MYOM2: variants seen among roughly 807,000 people sequenced by gnomAD.
MYOM2 encodes the protein myomesin 2, also known as myomesin-2.
A neutral mutation model predicts 187.6 loss-of-function variants in MYOM2; 254 were observed. That is an observed-to-expected ratio of 1.35 (90% CI 1.22 to 1.50). MYOM2 has a LOEUF of 1.50. MYOM2 is among the 40% of genes most tolerant of loss of function. The probability of loss-of-function intolerance (pLI) is 0.00; values close to 1 mark genes in which losing one functional copy is unlikely to be tolerated. For synonymous variants in MYOM2, 981 were observed against 753.8 expected (o/e 1.30, Z -4.94); for missense variants, 2,796 against 1,924.0 (o/e 1.45, Z -8.48).
intron 18 of MYOM2, 66 bp from the exon 19 acceptor site, chr8:2,098,791 C>G (rs994444615): frequency 2.0e-6 from 3 of 1,489,306 alleles, no homozygotes; most frequent in Non-Finnish European, 2.7e-6. Flanking sequence ...TATAACAACT[C>G]CTCCCCCTCA....
rs538357977 is a variant in MYOM2 at position 2,112,424 on chromosome 8, A to G, written c.3180+2893A>G. ...GGGGTGGGGGTCAGGGATGGGAGGG[A>G]GAGAATGAGACATTCCAAGCCGCTC... On this transcript the variant is annotated intron_variant, in intron 25 of 36. Coordinates refer to ENST00000262113, the MANE Select transcript of MYOM2 (RefSeq NM_003970.4). Among the ~76,000 whole-genome samples, 230 of 151,618 alleles carry G rather than the reference A, an allele frequency of 1.5e-3. 1 individual carries two copies. Among genetic ancestry groups the G allele is most frequent in the African/African-American group, 5.3e-3 (219 of 41,280 alleles).
Position 2,072,384 on chromosome 8 carries a change from T to A in MYOM2, c.833T>A (p.Val278Asp), listed in dbSNP as rs201957693. The A allele has an allele frequency of 6.2e-7, 1 of 1,613,880 alleles. No individual in the cohort carries two copies. Among genetic ancestry groups the A allele is most frequent in the African/African-American group, 1.3e-5 (1 of 75,012 alleles). Reference protein sequence around the residue: ...SSMIPYTHFDVQFLEKFGVTF... With the variant: ...SSMIPYTHFDDQFLEKFGVTF... ...ATGATTCCGTACACGCACTTCGACG[T>A]CCAGTTTTTGGAGAAGTTTGGGGTC... Residue 278 changes from valine (V) to aspartate (D), a missense_variant, in exon 9 of 37, where the codon GTC becomes GAC. Physicochemically the swap from Val to Asp is radical, Grantham distance 152. Transcript: ENST00000262113.
chr8:2,050,739 G>T lies in MYOM2; in HGVS notation c.-12-16G>T. ...CTTGCGAGGGAGCTCAGTGTTGTGT[G>T]TGACTCTCTTTGTAGGAGCACGCCA... On this transcript the variant is annotated splice_polypyrimidine_tract_variant and intron_variant, in intron 1 of 36. Transcript: ENST00000262113. 1 of 1,505,684 alleles carries T rather than the reference G, an allele frequency of 6.6e-7. No homozygotes were observed. Among genetic ancestry groups the T allele is most frequent in the South Asian group, 1.1e-5 (1 of 88,526 alleles). The allele number at this position is 1,505,684 out of a possible 1,614,324, so 93.3% of individuals were successfully genotyped here.
rs750536531 is a variant in MYOM2 at position 2,101,068 on chromosome 8, G to A, written c.2619+14G>A. ...CGTTATTTAAAGGTAAGTCTTGGCC[G>A]GCTGTGGTGGCTCATGCCTGTAATC... On this transcript the variant is annotated intron_variant, in intron 20 of 36. Transcript: ENST00000262113. The A allele has an allele frequency of 1.1e-5, 18 of 1,612,510 alleles. No homozygotes were observed. The highest frequency in any genetic ancestry group is 1.6e-4 in the Middle Eastern group (1 of 6,080).
chr8:2,084,836 C>T (rs938210016), intron 13 of MYOM2, among the ~76,000 whole-genome samples: 9 of 152,130 alleles, frequency 5.9e-5, no homozygotes, highest in African/African-American at 1.2e-4. Context: ...AAGAAAGAAC[C>T]CAGAGGGGAT....
chr8:2,102,637 C>A, intron 20 of MYOM2, 30 bp from the exon 21 acceptor site: 1 of 1,477,222 alleles, frequency 6.8e-7, no homozygotes, highest in Non-Finnish European at 9.4e-7. Context: ...TTTACCTCCA[C>A]ACATCTGGTG....
chr8:2,092,615 C>T, intron 16 of MYOM2, 95 bp downstream of exon 16: 3 of 1,339,442 alleles, frequency 2.2e-6, no homozygotes, highest in Non-Finnish European at 3.1e-6. Context: ...ACCATGGCCG[C>T]AAGGCTTCTG....
At chr8:2,114,260 A>C (rs556319121) in intron 25 of MYOM2, among the ~76,000 whole-genome samples, 2 of 152,324 alleles carry the variant, frequency 1.3e-5, no homozygotes, top group African/African-American at 4.8e-5. Context: ...AGCAGCAGAG[A>C]GGCAGGTAGT....
chr8:2,060,080 G>C (rs34526111), intron 6 of MYOM2, among the ~76,000 whole-genome samples: 39,164 of 152,102 alleles, frequency 0.26, 5,860 homozygotes, highest in Non-Finnish European at 0.33. Flanking sequence ...AGACACTGCT[G>C]TTCTTTTTCT....
In MYOM2 at chr8:2,129,172, T is replaced by G; in HGVS notation, c.3740T>G (p.Ile1247Arg). 1.2e-6 allele frequency: 2 copies of G among 1,612,294 alleles called. No homozygotes were observed. Among genetic ancestry groups the G allele is most frequent in the Non-Finnish European group, 1.7e-6 (2 of 1,178,390 alleles). ...AAGGTACTCTGCACCCCAGAAGGAA[T>G]ACGACTTCAGTGTTTCATGAAGTAT... ...PLKVLCTPEG[I>R]RLQCFMKYFT... Residue 1247 changes from isoleucine to arginine, a missense_variant, in exon 32 of 37, where the codon ATA (isoleucine) becomes AGA (arginine). Transcript: ENST00000262113.
intron 15 of MYOM2, among the ~76,000 whole-genome samples, chr8:2,091,686 C>A (rs181771498): frequency 6.6e-6 from 1 of 152,230 alleles, no homozygotes; most frequent in East Asian, 1.9e-4. Context: ...GCTCTTAGAA[C>A]TCATACCCAG....
intron 6 of MYOM2, among the ~76,000 whole-genome samples, chr8:2,061,898 C>T (rs566862256): frequency 2.6e-5 from 4 of 152,282 alleles, no homozygotes; most frequent in South Asian, 2.1e-4. Context: ...ACAAGGATGC[C>T]GCCTTCCAGG....
chr8:2,066,718 T>C (rs1394626211), intron 6 of MYOM2, among the ~76,000 whole-genome samples: 1 of 152,208 alleles, frequency 6.6e-6, no homozygotes, highest in Non-Finnish European at 1.5e-5. Flanking sequence ...GTGAGTATTA[T>C]GTGTGAATTA....
intron 1 of MYOM2, among the ~76,000 whole-genome samples, chr8:2,048,444 G>T (rs12682058): frequency 0.035 from 5,283 of 152,352 alleles, 203 homozygotes; most frequent in East Asian, 0.12. Context: ...TGCATCTGGG[G>T]AGATTTCAAA....
chr8:2,102,510 C>A (rs183638184), intron 20 of MYOM2, among the ~76,000 whole-genome samples, 157 bp from the exon 21 acceptor site: 45 of 142,710 alleles, frequency 3.2e-4, no homozygotes, highest in African/African-American at 1.1e-3. Flanking sequence ...CACTGTGAAT[C>A]TCCTCTTCCC....
In MYOM2 at chr8:2,051,364, G is replaced by A. The variant is rs551687107; in HGVS notation, c.107+491G>A. Among the ~76,000 whole-genome samples the A allele has an allele frequency of 2.0e-5, 3 of 152,194 alleles. No individual in the cohort carries two copies. In the East Asian group the frequency reaches 5.8e-4, roughly 30 times the overall value. ...GGGCTGGTGTGCACCTGCATCTTCCGGAAGCTTCTCGGGGATGGCCTCATA... is the reference window on the plus strand; with the variant it reads ...GGGCTGGTGTGCACCTGCATCTTCCAGAAGCTTCTCGGGGATGGCCTCATA... On this transcript the variant is annotated intron_variant, in intron 2 of 36. Transcript: ENST00000262113.
chr8:2,092,961 G>T (rs2116740240), intron 16 of MYOM2, among the ~76,000 whole-genome samples: 1 of 152,306 alleles, frequency 6.6e-6, no homozygotes, highest in South Asian at 2.1e-4. Flanking sequence ...CTCTTCGCTT[G>T]TGGTGGGGGC....
At chr8:2,096,137 C>A in intron 17 of MYOM2, 110 bp from the exon 18 acceptor site, 1 of 1,010,554 alleles carries the variant, frequency 9.9e-7, no homozygotes, top group Non-Finnish European at 1.5e-6. Flanking sequence ...AGTGTTCAGG[C>A]CCGTCTCCAC....
intron 13 of MYOM2, 86 bp downstream of exon 13, chr8:2,079,699 C>A: frequency 1.4e-6 from 2 of 1,391,432 alleles, no homozygotes; most frequent in Non-Finnish European, 2.0e-6. Flanking sequence ...CAGAGAACGC[C>A]CCCTACTGGG....
Sources: gnomAD v4.1 joint callset for allele counts (sites outside exome capture counted in the v4.1 genomes callset) on GRCh38, gnomAD v4.1.1 for gene constraint, MANE v1.5 for transcripts, NCBI Gene and HGNC (gene_info 2026-07-23, HGNC 2026-07-21) for gene names.